RALYL: variants seen among roughly 807,000 people sequenced by gnomAD.
RALYL encodes the protein RNA-binding Raly-like protein.
Under a neutral mutation model 35.1 loss-of-function variants are expected in RALYL, and 29 were observed. The observed-to-expected ratio is 0.83, with a 90% CI of 0.61 to 1.13. RALYL has a LOEUF of 1.13. Among genes scored for constraint, RALYL ranks in the 50% most tolerant of loss-of-function variants. RALYL has a pLI of 0.00. For synonymous variants in RALYL, 120 were observed against 127.6 expected (o/e 0.94, Z 0.40); for missense variants, 359 against 360.4 (o/e 1.00, Z 0.03).
chr8:84,435,470 A>G (rs1234231658), intron 1 of RALYL, among the ~76,000 whole-genome samples: 2 of 152,132 alleles, frequency 1.3e-5, no homozygotes, highest in African/African-American at 4.8e-5. Flanking sequence ...GTTTTCAGAA[A>G]TTTTAGAGAA....
chr8:84,600,642 C>G (rs1815716059), intron 2 of RALYL, among the ~76,000 whole-genome samples: 1 of 152,104 alleles, frequency 6.6e-6, no homozygotes, highest in Non-Finnish European at 1.5e-5. Flanking sequence ...CTGTGCACAG[C>G]CCATCTGTTA....
rs143398081 is a variant in RALYL at position 84,890,416 on chromosome 8, C to T, written c.858+2640C>T. ...GAATGAAAAAGATTTGAAAAGGCTC[C>T]TATGGAAAACACTAAAGATTACTAA... On this transcript the variant is annotated intron_variant, in intron 8 of 8. Coordinates refer to ENST00000521268, the MANE Select transcript of RALYL (RefSeq NM_173848.7). Among the ~76,000 whole-genome samples, 323 of 152,094 alleles carry T rather than the reference C, an allele frequency of 2.1e-3. 1 individual carries two copies. Among genetic ancestry groups the T allele is most frequent in the African/African-American group, 7.3e-3 (303 of 41,498 alleles).
chr8:84,287,598 A>G (rs1161025590), intron 1 of RALYL, among the ~76,000 whole-genome samples: 1 of 151,704 alleles, frequency 6.6e-6, no homozygotes, highest in Non-Finnish European at 1.5e-5. Flanking sequence ...GAAGTGGCAA[A>G]CAGAAACAAC....
At chr8:84,203,706 G>A (rs1817429361) in intron 1 of RALYL, among the ~76,000 whole-genome samples, 1 of 152,090 alleles carries the variant, frequency 6.6e-6, no homozygotes, top group Non-Finnish European at 1.5e-5. Flanking sequence ...AGAAGTTCAG[G>A]TACAGAACAC....
At chr8:84,322,825 A>G (rs909346585) in intron 1 of RALYL, among the ~76,000 whole-genome samples, 2 of 152,094 alleles carry the variant, frequency 1.3e-5, no homozygotes, top group Non-Finnish European at 2.9e-5. Flanking sequence ...TCCTACCAGT[A>G]AATCTTGTTT....
At chr8:84,558,768 C>T (rs1204010859) in intron 2 of RALYL, among the ~76,000 whole-genome samples, 1 of 152,106 alleles carries the variant, frequency 6.6e-6, no homozygotes, top group Admixed American at 6.6e-5. Flanking sequence ...TCAACATGTG[C>T]TGTAAATTTC....
chr8:84,208,398 A>G (rs1818593616), intron 1 of RALYL, among the ~76,000 whole-genome samples: 2 of 152,086 alleles, frequency 1.3e-5, no homozygotes, highest in South Asian at 4.1e-4. Context: ...TCAAAATATG[A>G]TTGGTACCTT....
At chr8:84,439,631 T>C (rs2048121596) in intron 1 of RALYL, among the ~76,000 whole-genome samples, 2 of 152,144 alleles carry the variant, frequency 1.3e-5, no homozygotes, top group South Asian at 4.1e-4. Context: ...AGCTTAATTG[T>C]GATAGATATT....
At chr8:84,403,622 C>T (rs1396386606) in intron 1 of RALYL, among the ~76,000 whole-genome samples, 4 of 145,606 alleles carry the variant, frequency 2.7e-5, no homozygotes, top group Non-Finnish European at 6.0e-5. Context: ...AGCGTGATGC[C>T]TCCAGCTTTG....
chr8:84,425,319 G>GC (rs1413409615), intron 1 of RALYL, among the ~76,000 whole-genome samples: 17 of 152,082 alleles, frequency 1.1e-4, no homozygotes, highest in Non-Finnish European at 2.1e-4. Flanking sequence ...TTTTCCAGGT[G>GC]CGTCCGTCAC....
chr8:84,649,719 C>T (rs1828294103), intron 2 of RALYL, among the ~76,000 whole-genome samples: 1 of 152,114 alleles, frequency 6.6e-6, no homozygotes, highest in South Asian at 2.1e-4. Flanking sequence ...TAGTGTGATG[C>T]CTCCAGCTTT....
intron 1 of RALYL, among the ~76,000 whole-genome samples, chr8:84,458,116 CAACTT>C (rs1411427049): frequency 9.9e-5 from 15 of 151,968 alleles, no homozygotes; most frequent in African/African-American, 3.1e-4. Flanking sequence ...ATGTTGACCT[CAACTT>C]AATTCTTTCA....
intron 2 of RALYL, among the ~76,000 whole-genome samples, chr8:84,566,871 G>T (rs1324868195): frequency 6.6e-6 from 1 of 151,564 alleles, no homozygotes; most frequent in East Asian, 1.9e-4. Flanking sequence ...ACAGAATTAT[G>T]CTGTCTATGA....
chr8:84,667,105 A>G (rs916344803), intron 2 of RALYL, among the ~76,000 whole-genome samples: 1 of 152,070 alleles, frequency 6.6e-6, no homozygotes, highest in African/African-American at 2.4e-5. Flanking sequence ...TTTGCCATTT[A>G]ATTCATTTGC....
intron 2 of RALYL, among the ~76,000 whole-genome samples, chr8:84,549,533 A>T (rs1473694913): frequency 6.6e-6 from 1 of 152,150 alleles, no homozygotes; most frequent in Admixed American, 6.6e-5. Context: ...GAACAGAGAA[A>T]ACTCCTTCAA....
At chr8:84,755,233 TCTC>T (rs1811088504) in intron 2 of RALYL, among the ~76,000 whole-genome samples, 1 of 152,162 alleles carries the variant, frequency 6.6e-6, no homozygotes. Flanking sequence ...AGCAGTCACA[TCTC>T]CTAAAAACAG....
chr8:84,824,324 A>T (rs556981344), intron 4 of RALYL, among the ~76,000 whole-genome samples: 44 of 152,236 alleles, frequency 2.9e-4, no homozygotes, highest in African/African-American at 1.0e-3. Flanking sequence ...AGAGATCTCT[A>T]CAAGAACTAC....
At chr8:84,626,600 A>G (rs1239918180) in intron 2 of RALYL, among the ~76,000 whole-genome samples, 1 of 152,200 alleles carries the variant, frequency 6.6e-6, no homozygotes, top group Non-Finnish European at 1.5e-5. Flanking sequence ...GATTATTTAA[A>G]ATGAAAATTG....
intron 2 of RALYL, among the ~76,000 whole-genome samples, chr8:84,593,078 T>C (rs1015296286): frequency 6.6e-6 from 1 of 152,226 alleles, no homozygotes; most frequent in Admixed American, 6.5e-5. Context: ...CTACTTATAG[T>C]GCATTTCTAA....
Sources: allele counts gnomAD v4.1 joint callset (sites outside exome capture counted in the v4.1 genomes callset), GRCh38; gene constraint gnomAD v4.1.1; transcripts MANE v1.5; gene names NCBI Gene and HGNC (gene_info 2026-07-23, HGNC 2026-07-21).